WDR12: variants seen among roughly 807,000 people sequenced by gnomAD.
WDR12 encodes WD repeat domain 12.
A neutral mutation model predicts 64.3 loss-of-function variants in WDR12; 42 were observed. That is an observed-to-expected ratio of 0.65 (90% CI 0.51 to 0.84). The LOEUF (loss-of-function observed/expected upper bound fraction) is 0.84, where lower values mean the gene tolerates loss of function less well. Among genes scored for constraint, WDR12 ranks in the 40% least tolerant of loss-of-function variants. WDR12 has a pLI of 0.00. For synonymous variants in WDR12, 158 were observed against 173.3 expected (o/e 0.91, Z 0.70); for missense variants, 469 against 494.6 (o/e 0.95, Z 0.49).
intron 8 of WDR12, among the ~76,000 whole-genome samples, chr2:202,890,835 A>T (rs1688142990): frequency 6.6e-6 from 1 of 151,562 alleles, no homozygotes; most frequent in Non-Finnish European, 1.5e-5. Context: ...AACTTTAAAA[A>T]GAGAAAAAAT....
At chr2:202,884,158 T>C (rs768149558) in intron 10 of WDR12, 40 bp downstream of exon 10, 17 of 1,559,448 alleles carry the variant, frequency 1.1e-5, no homozygotes, top group Non-Finnish European at 1.3e-5. Context: ...AAATAGATGT[T>C]ATTCACACAT....
chr2:202,888,974 C>G (rs1305848055), intron 8 of WDR12, among the ~76,000 whole-genome samples: 1 of 152,158 alleles, frequency 6.6e-6, no homozygotes, highest in Non-Finnish European at 1.5e-5. Context: ...CTTCAAAGTA[C>G]AGGTGTTAGC....
chr2:202,896,337 T>G, intron 5 of WDR12, 118 bp from the exon 6 acceptor site: 1 of 1,142,496 alleles, frequency 8.8e-7, no homozygotes. Flanking sequence ...GTTAAAAAGA[T>G]AACTCATATG....
intron 2 of WDR12, among the ~76,000 whole-genome samples, chr2:202,905,837 G>C (rs556801755): frequency 6.6e-6 from 1 of 152,290 alleles, no homozygotes; most frequent in East Asian, 1.9e-4. Flanking sequence ...AACTCATGGA[G>C]ATACAGAGTA....
At chr2:202,892,966 C>G (rs1688179962) in intron 7 of WDR12, among the ~76,000 whole-genome samples, 1 of 151,984 alleles carries the variant, frequency 6.6e-6, no homozygotes, top group South Asian at 2.1e-4. Context: ...TTAAGGTCAT[C>G]ATTATAAATA....
chr2:202,894,514 A>G (rs1688206384), intron 7 of WDR12, 67 bp downstream of exon 7: 1 of 1,404,286 alleles, frequency 7.1e-7, no homozygotes, highest in South Asian at 1.3e-5. Context: ...AAGCCACCAT[A>G]TAGCCTCCGA....
chr2:202,909,550 C>T (rs1292781133), intron 1 of WDR12, among the ~76,000 whole-genome samples: 1 of 151,922 alleles, frequency 6.6e-6, no homozygotes, highest in Non-Finnish European at 1.5e-5. Context: ...ACAAACAGCT[C>T]AAGGATGATG....
rs1394032614 is a variant in WDR12, at chr2:202,911,423, A to G, written c.41+13T>C. On this transcript the variant is annotated intron_variant, in intron 1 of 12. Transcript: ENST00000261015. ...ACCTGGGGAAGGGAGAGAAGGCTGG[A>G]ACGCTTACTTACTTCTTGTTATCAG... 6.2e-7 allele frequency: 1 copy of G among 1,614,000 alleles called. No homozygotes were observed. The highest frequency in any genetic ancestry group is 1.7e-5 in the Admixed American group (1 of 60,024).
intron 8 of WDR12, among the ~76,000 whole-genome samples, chr2:202,889,239 T>A (rs1302925263): frequency 6.6e-6 from 1 of 152,192 alleles, no homozygotes; most frequent in Non-Finnish European, 1.5e-5. Flanking sequence ...AGTATGCACC[T>A]AGAAATAAAT....
At chr2:202,897,622 G>A (rs1370210620) in intron 4 of WDR12, among the ~76,000 whole-genome samples, 2 of 148,140 alleles carry the variant, frequency 1.4e-5, no homozygotes, top group African/African-American at 2.5e-5. Context: ...GGGCGTGGTG[G>A]CTCACGCCTG....
chr2:202,902,163 ATT>A (rs545331160), intron 2 of WDR12, among the ~76,000 whole-genome samples: 2,589 of 152,326 alleles, frequency 0.017, 28 homozygotes, highest in Non-Finnish European at 0.027. Flanking sequence ...TTACCCAACT[ATT>A]TGGGTAACAT....
chr2:202,896,461 C>T (rs975445268), intron 5 of WDR12, among the ~76,000 whole-genome samples: 1 of 151,780 alleles, frequency 6.6e-6, no homozygotes, highest in Admixed American at 6.6e-5. Flanking sequence ...GAGGCCAACA[C>T]AGGCAGATCA....
At chr2:202,890,566 G>A (rs1315907593) in intron 8 of WDR12, among the ~76,000 whole-genome samples, 1 of 151,732 alleles carries the variant, frequency 6.6e-6, no homozygotes, top group Non-Finnish European at 1.5e-5. Context: ...TCAGGAGATC[G>A]AGACCATCCT....
chr2:202,886,051 C>A (rs1364558039), intron 8 of WDR12, among the ~76,000 whole-genome samples: 1 of 151,800 alleles, frequency 6.6e-6, no homozygotes, highest in Non-Finnish European at 1.5e-5. Flanking sequence ...CTGCAGTGGG[C>A]CACTGCACTC....
At position 202,897,283 on chromosome 2, in the gene WDR12, AG is replaced by A. The variant is rs1688261344; in HGVS notation, c.454+16del. 6 of 1,553,240 alleles carry A rather than the reference AG, an allele frequency of 3.9e-6. No individual in the cohort carries two copies. Among genetic ancestry groups the A allele is most frequent in the Non-Finnish European group, 5.3e-6 (6 of 1,137,270 alleles). Reference sequence around the variant, plus strand: ...CCCTATCTAGGATTCCTCTAAGTGTAGGCAAACTGTCCTAACCTTTTTTCAC... The same window carrying A: ...CCCTATCTAGGATTCCTCTAAGTGTAGCAAACTGTCCTAACCTTTTTTCAC... On this transcript the variant is annotated intron_variant, in intron 5 of 12. Transcript: ENST00000261015.
At chr2:202,900,821 C>CAT (rs993505719) in intron 3 of WDR12, among the ~76,000 whole-genome samples, 7 of 151,892 alleles carry the variant, frequency 4.6e-5, no homozygotes, top group South Asian at 4.2e-4. Context: ...CAGGAATATA[C>CAT]ATATATATAT....
chr2:202,876,918 G>T lies in WDR12; in HGVS notation c.*3942C>A. 1 of 152,584 alleles carries T rather than the reference G, an allele frequency of 6.6e-6. No individual in the cohort carries two copies. Among genetic ancestry groups the T allele is most frequent in the South Asian group, 1.9e-4 (1 of 5,158 alleles). The allele number at this position is 152,584 out of a possible 1,614,324, so 9.5% of individuals were successfully genotyped here. A position where few individuals can be genotyped will look rare whatever the true frequency, so the allele number is the denominator to read the frequency against. Reference sequence around the variant, plus strand: ...TGCACTCTAGCTTGGGCAACATAGTGAGACCCTGTCTCTAAAAAATGAACA... The same window carrying T: ...TGCACTCTAGCTTGGGCAACATAGTTAGACCCTGTCTCTAAAAAATGAACA... On this transcript the variant is annotated 3_prime_UTR_variant, in exon 13 of 13. Transcript: ENST00000261015.
chr2:202,907,943 C>A lies in WDR12; in HGVS notation c.58G>T (p.Val20Phe), dbSNP rs1379613796. Residue 20 changes from valine to phenylalanine, a missense_variant, in exon 2 of 13, where the codon GTT (valine) becomes TTT (phenylalanine). Val to Phe is a conservative substitution (Grantham distance 50). Transcript: ENST00000261015. ...TDNKKYAVDD[V>F]PFSIPAASEI... ...GAGGCAGCAGGGATTGAGAAGGGAA[C>A]ATCATCTACGGCATATCTATAAAAA... is the stretch of plus-strand genomic sequence containing the variant. 1 of 1,613,930 alleles carries A rather than the reference C, an allele frequency of 6.2e-7. No homozygotes were observed. The highest frequency in any genetic ancestry group is 8.5e-7 in the Non-Finnish European group (1 of 1,179,890).
At chr2:202,892,784 A>C in intron 7 of WDR12, 82 bp from the exon 8 acceptor site, 1 of 1,032,050 alleles carries the variant, frequency 9.7e-7, no homozygotes, top group Non-Finnish European at 1.4e-6. Flanking sequence ...ACATTTCCAG[A>C]TATAGTTTTT....
Sources: gnomAD v4.1 joint callset for allele counts (sites outside exome capture counted in the v4.1 genomes callset) on GRCh38, gnomAD v4.1.1 for gene constraint, MANE v1.5 for transcripts, NCBI Gene and HGNC (gene_info 2026-07-23, HGNC 2026-07-21) for gene names.